RBFOX1: variants seen among roughly 807,000 people sequenced by gnomAD.
RBFOX1 encodes the protein RNA binding fox-1 homolog 1.
Under a neutral mutation model 57.7 loss-of-function variants are expected in RBFOX1, and 8 were observed. The observed-to-expected ratio is 0.14, with a 90% CI of 0.08 to 0.25. RBFOX1 has a LOEUF of 0.25. Among genes scored for constraint, RBFOX1 ranks in the 10% least tolerant of loss-of-function variants. The probability of loss-of-function intolerance (pLI) is 1.00; values close to 1 mark genes in which losing one functional copy is unlikely to be tolerated. For missense variants in RBFOX1, 611 were observed against 548.5 expected (o/e 1.11, Z -1.14); for synonymous variants, 326 against 222.4 (o/e 1.47, Z -4.15).
intron 4 of RBFOX1, among the ~76,000 whole-genome samples, chr16:5,887,635 C>A (rs1057352720): frequency 1.3e-5 from 2 of 152,124 alleles, no homozygotes; most frequent in African/African-American, 4.8e-5. Flanking sequence ...AACTCCTGAA[C>A]TCAAGTGATC....
rs574595452 is a variant in RBFOX1, at chr16:6,223,895, G to A, written c.-126-93100G>A. On this transcript the variant is annotated intron_variant, in intron 1 of 15. Coordinates refer to ENST00000550418, the MANE Select transcript of RBFOX1 (RefSeq NM_018723.4). ...ATTTTTGTATGAGGTGTAAGGAAGG[G>A]ATCCAGTTTCAGCTTTCTCCATATG... is the stretch of plus-strand genomic sequence containing the variant. 7.9e-5 allele frequency among the ~76,000 whole-genome samples: 12 copies of A among 152,298 alleles called. No homozygotes were observed. In the South Asian group the frequency reaches 2.5e-3, roughly 32 times the overall value.
intron 4 of RBFOX1, among the ~76,000 whole-genome samples, chr16:7,300,634 T>A (rs1027691723): frequency 1.3e-5 from 2 of 152,098 alleles, no homozygotes; most frequent in Admixed American, 1.3e-4. Flanking sequence ...TAGTGGAATG[T>A]CTGCTATTTC....
At chr16:6,771,070 A>T (rs546612698) in intron 3 of RBFOX1, among the ~76,000 whole-genome samples, 37 of 152,212 alleles carry the variant, frequency 2.4e-4, no homozygotes, top group African/African-American at 8.4e-4. Context: ...GTTGGGCCCG[A>T]ATCCAGTGTG....
At chr16:6,539,674 T>A (rs993520736) in intron 2 of RBFOX1, among the ~76,000 whole-genome samples, 3 of 152,062 alleles carry the variant, frequency 2.0e-5, no homozygotes, top group Non-Finnish European at 4.4e-5. Flanking sequence ...GGCCAGCACC[T>A]GTAGTCCCAG....
chr16:5,613,792 A>G (rs1284533196), intron 3 of RBFOX1, among the ~76,000 whole-genome samples: 7 of 151,492 alleles, frequency 4.6e-5, no homozygotes, highest in African/African-American at 2.4e-5. Context: ...TCCCCAAATC[A>G]AGGTAGATGG....
At chr16:7,595,805 AC>A (rs1380202274) in intron 8 of RBFOX1, among the ~76,000 whole-genome samples, 164 bp downstream of exon 8, 6 of 145,846 alleles carry the variant, frequency 4.1e-5, no homozygotes, top group Admixed American at 6.9e-5. Context: ...AACTGGCCTT[AC>A]TTTTTTTTTT....
intron 3 of RBFOX1, among the ~76,000 whole-genome samples, chr16:6,850,041 T>C (rs371879547): frequency 1.3e-5 from 2 of 152,202 alleles, no homozygotes; most frequent in Non-Finnish European, 2.9e-5. Flanking sequence ...AAATACACCA[T>C]GTACTCCTTT....
At chr16:6,836,962 G>T (rs2093144289) in intron 3 of RBFOX1, among the ~76,000 whole-genome samples, 1 of 152,148 alleles carries the variant, frequency 6.6e-6, no homozygotes, top group Non-Finnish European at 1.5e-5. Context: ...GTGGAAGGAT[G>T]GCTGGATGGG....
intron 3 of RBFOX1, among the ~76,000 whole-genome samples, chr16:6,674,866 T>A (rs2057345475): frequency 6.6e-6 from 1 of 152,130 alleles, no homozygotes; most frequent in African/African-American, 2.4e-5. Flanking sequence ...TGGGAGAGAA[T>A]AAATTACTGT....
chr16:7,034,423 G>C (rs771750042), intron 3 of RBFOX1, among the ~76,000 whole-genome samples: 1 of 152,138 alleles, frequency 6.6e-6, no homozygotes, highest in African/African-American at 2.4e-5. Flanking sequence ...GGATGATGAA[G>C]AGAGTCGCTG....
At chr16:5,712,002 G>A (rs1425127474) in intron 3 of RBFOX1, among the ~76,000 whole-genome samples, 1 of 152,200 alleles carries the variant, frequency 6.6e-6, no homozygotes, top group East Asian at 1.9e-4. Flanking sequence ...GTTCCTCATG[G>A]CTGGGAAGGC....
intron 3 of RBFOX1, among the ~76,000 whole-genome samples, chr16:5,726,545 C>T (rs1034048432): frequency 6.6e-6 from 1 of 152,172 alleles, no homozygotes; most frequent in Non-Finnish European, 1.5e-5. Context: ...CAGCCAGGGG[C>T]AAATCCTTGT....
chr16:6,705,637 A>G (rs892231779), intron 3 of RBFOX1: 4 of 152,216 alleles, frequency 2.6e-5, no homozygotes, highest in Admixed American at 2.6e-4. Flanking sequence ...GATAGCAAAT[A>G]TTTTACAGTG....
chr16:7,518,943 G>A (rs548761508), intron 5 of RBFOX1, among the ~76,000 whole-genome samples: 1 of 152,226 alleles, frequency 6.6e-6, no homozygotes, highest in African/African-American at 2.4e-5. Flanking sequence ...GGATGGCTTG[G>A]GGCCAGGAGT....
intron 1 of RBFOX1, among the ~76,000 whole-genome samples, chr16:6,183,220 C>T (rs930282463): frequency 2.6e-5 from 4 of 152,006 alleles, no homozygotes; most frequent in Non-Finnish European, 5.9e-5. Context: ...ATGGCCTACA[C>T]CTGTAATCCC....
chr16:5,641,139 A>C (rs9930896), intron 3 of RBFOX1, among the ~76,000 whole-genome samples: 7,993 of 151,106 alleles, frequency 0.053, 674 homozygotes, highest in African/African-American at 0.18. Flanking sequence ...CATGCACACC[A>C]TGAATACACA....
intron 3 of RBFOX1, among the ~76,000 whole-genome samples, chr16:5,800,083 C>T (rs190295980): frequency 1.4e-4 from 21 of 151,772 alleles, no homozygotes; most frequent in Admixed American, 1.4e-3. Flanking sequence ...ACATGTCCTA[C>T]TTATAGATGG....
At chr16:5,491,419 C>T (rs1567157245) in intron 2 of RBFOX1, among the ~76,000 whole-genome samples, 1 of 152,144 alleles carries the variant, frequency 6.6e-6, no homozygotes, top group Non-Finnish European at 1.5e-5. Flanking sequence ...ATCTGGCTTC[C>T]TTTGATGACA....
At chr16:6,177,147 T>G (rs1391592972) in intron 1 of RBFOX1, among the ~76,000 whole-genome samples, 3 of 151,846 alleles carry the variant, frequency 2.0e-5, no homozygotes, top group African/African-American at 7.2e-5. Flanking sequence ...TTTCCTTTGC[T>G]AATTATGGAA....
Sources: gnomAD v4.1 joint callset for allele counts (sites outside exome capture counted in the v4.1 genomes callset) on GRCh38, gnomAD v4.1.1 for gene constraint, MANE v1.5 for transcripts, NCBI Gene and HGNC (gene_info 2026-07-23, HGNC 2026-07-21) for gene names.